BAZ1B: variants seen among roughly 807,000 people sequenced by gnomAD.
BAZ1B encodes the protein tyrosine-protein kinase BAZ1B.
Under a neutral mutation model 153.8 loss-of-function variants are expected in BAZ1B, and 22 were observed. The ratio of observed to expected loss-of-function variants is 0.14; its 90% CI spans 0.10 to 0.20. The LOEUF is 0.20. BAZ1B is among the 10% of genes least tolerant of loss of function. BAZ1B has a pLI of 1.00. For synonymous variants in BAZ1B, 676 were observed against 633.4 expected (o/e 1.07, Z -1.01); for missense variants, 1,325 against 1,799.3 (o/e 0.74, Z 4.77).
chr7:73,445,385 A>G lies in BAZ1B; in HGVS notation c.3845-1256T>C, dbSNP rs534341631. Among the ~76,000 whole-genome samples the G allele has an allele frequency of 2.6e-5, 4 of 152,294 alleles. No individual in the cohort carries two copies. The East Asian group carries it at 7.7e-4, about 29-fold the overall frequency. ...ACCTTGAGCTGCACTGGGGAACCAC[A>G]TCTTTGGTGGTCTGAAAGATAGAGT... On this transcript the variant is annotated intron_variant, in intron 16 of 19. Coordinates refer to ENST00000339594, the MANE Select transcript of BAZ1B (RefSeq NM_032408.4).
chr7:73,444,477 A>G (rs1787750945), intron 16 of BAZ1B, among the ~76,000 whole-genome samples: 1 of 152,222 alleles, frequency 6.6e-6, no homozygotes, highest in Non-Finnish European at 1.5e-5. Context: ...ATTTGCTAAT[A>G]GGTCAGCCTG....
At chr7:73,498,109 A>G (rs899966507) in intron 4 of BAZ1B, among the ~76,000 whole-genome samples, 3 of 152,086 alleles carry the variant, frequency 2.0e-5, no homozygotes, top group Admixed American at 1.3e-4. Context: ...ATAGGCACCC[A>G]CCACCACAAG....
chr7:73,521,038 T>C (rs1554580105), intron 1 of BAZ1B, among the ~76,000 whole-genome samples: 1 of 152,214 alleles, frequency 6.6e-6, no homozygotes, highest in African/African-American at 2.4e-5. Context: ...GAGAGGATGC[T>C]TCCTTTGTAA....
At chr7:73,464,409 TG>T (rs1176048056) in intron 11 of BAZ1B, among the ~76,000 whole-genome samples, 1 of 152,234 alleles carries the variant, frequency 6.6e-6, no homozygotes, top group Non-Finnish European at 1.5e-5. Flanking sequence ...AGTTTTTTGT[TG>T]TAGAACCACA....
At chr7:73,510,928 C>G (rs1790551515) in intron 1 of BAZ1B, 76 bp from the exon 2 acceptor site, 2 of 1,227,784 alleles carry the variant, frequency 1.6e-6, no homozygotes, top group South Asian at 2.6e-5. Context: ...TACTTATATA[C>G]AGAAAAAAAT....
In BAZ1B at chr7:73,487,626, A is replaced by G. The variant is rs1777840671; in HGVS notation, c.891+1568T>C. 2.0e-5 allele frequency among the ~76,000 whole-genome samples: 3 copies of G among 152,228 alleles called. No individual in the cohort carries two copies. The South Asian group carries it at 6.2e-4, about 31-fold the overall frequency. Reference sequence around the variant, plus strand: ...AAGAATTAGTCTAAAACCCATTTAGAGATGGTTTCATGGAGTTCTCATATA... The same window carrying G: ...AAGAATTAGTCTAAAACCCATTTAGGGATGGTTTCATGGAGTTCTCATATA... On this transcript the variant is annotated intron_variant, in intron 6 of 19. Coordinates refer to ENST00000339594, the MANE Select transcript of BAZ1B (RefSeq NM_032408.4).
intron 16 of BAZ1B, among the ~76,000 whole-genome samples, chr7:73,444,740 C>A (rs1369658497): frequency 1.3e-5 from 2 of 152,134 alleles, no homozygotes; most frequent in Non-Finnish European, 2.9e-5. Flanking sequence ...ATAGGCCGGG[C>A]GTTGTGGCTC....
At chr7:73,511,250 A>G (rs143526629) in intron 1 of BAZ1B, among the ~76,000 whole-genome samples, 134 of 152,224 alleles carry the variant, frequency 8.8e-4, no homozygotes, top group African/African-American at 3.1e-3. Flanking sequence ...CCTGGGAGAC[A>G]GTGCGGCTCC....
Position 73,522,275 on chromosome 7 carries a change from C to T in BAZ1B, c.-342G>A. ...CGGGAGATTCCCCTCCTCCCCCGGG[C>T]CCGGCCAACGCACACACTAACTTGC... On this transcript the variant is annotated 5_prime_UTR_variant, in exon 1 of 20. Transcript: ENST00000339594. 2.7e-6 allele frequency: 1 copy of T among 374,206 alleles called. No homozygotes were observed. Among genetic ancestry groups the T allele is most frequent in the East Asian group, 3.8e-5 (1 of 26,236 alleles). 23.2% of individuals were successfully genotyped at this position (374,206 alleles called of 1,614,324 possible). A position where few individuals can be genotyped will look rare whatever the true frequency, so the allele number is the denominator to read the frequency against.
rs563521892 is a variant in BAZ1B, at chr7:73,472,293, G to A, written c.2594-1810C>T. Among the ~76,000 whole-genome samples, 61 of 149,740 alleles carry A rather than the reference G, an allele frequency of 4.1e-4. 1 individual carries two copies. The highest frequency in any genetic ancestry group is 3.4e-3 in the Middle Eastern group (1 of 290). On this transcript the variant is annotated intron_variant, in intron 7 of 19. Transcript: ENST00000339594. ...TTTTTTTTGAGACAGAGTTTCTCTC[G>A]TGTTGTCCAGGCTGGAGTGCAATGG...
chr7:73,492,983 T>C (rs1554575763), intron 4 of BAZ1B, 62 bp from the exon 5 acceptor site: 2 of 1,488,722 alleles, frequency 1.3e-6, no homozygotes, highest in African/African-American at 1.4e-5. Context: ...CATTCATTCA[T>C]TAACAAGTCT....
At chr7:73,492,701 T>C (rs1380973073) in intron 5 of BAZ1B, 99 bp downstream of exon 5, 2 of 1,251,786 alleles carry the variant, frequency 1.6e-6, no homozygotes, top group African/African-American at 1.5e-5. Context: ...TGTACATTCA[T>C]TTACATTTTT....
At chr7:73,449,508 T>C in intron 15 of BAZ1B, 34 bp downstream of exon 15, 1 of 1,589,918 alleles carries the variant, frequency 6.3e-7, no homozygotes, top group East Asian at 2.3e-5. Context: ...TCATATTTAT[T>C]CATTCAATTA....
chr7:73,487,924 G>C (rs2116373619), intron 6 of BAZ1B, among the ~76,000 whole-genome samples: 1 of 152,310 alleles, frequency 6.6e-6, no homozygotes, highest in East Asian at 1.9e-4. Context: ...AATCTGCTAA[G>C]TGCTAAAACC....
chr7:73,506,320 A>AATT (rs1790338299), intron 3 of BAZ1B, among the ~76,000 whole-genome samples: 2 of 151,286 alleles, frequency 1.3e-5, no homozygotes, highest in African/African-American at 4.9e-5. Flanking sequence ...AACACAGTGA[A>AATT]ACCCCGTCTC....
chr7:73,504,375 G>T (rs1165817895), intron 3 of BAZ1B, among the ~76,000 whole-genome samples: 1 of 152,050 alleles, frequency 6.6e-6, no homozygotes, highest in African/African-American at 2.4e-5. Flanking sequence ...AAAAAACTTA[G>T]CTAGGCGGCC....
At position 73,498,579 on chromosome 7, in the gene BAZ1B, T is replaced by C. The variant is rs781840279; in HGVS notation, c.489A>G (p.Lys163=). ...DGACDSPSSD[K]ENSSQIAQDH... ...CCTGAGCAATCTGACTGGAGTTCTC[T>C]TTGTCACTTGATGGAGAATCACAGG... Residue 163 remains lysine, a synonymous_variant, in exon 4 of 20, where the codon AAA becomes AAG. Coordinates refer to ENST00000339594, the MANE Select transcript of BAZ1B (RefSeq NM_032408.4). The C allele has an allele frequency of 1.3e-5, 21 of 1,614,004 alleles. No individual in the cohort carries two copies. In the Admixed American group the frequency reaches 3.5e-4, roughly 27 times the overall value.
intron 6 of BAZ1B, among the ~76,000 whole-genome samples, chr7:73,479,140 T>C (rs1022259858): frequency 5.3e-5 from 8 of 151,386 alleles, no homozygotes; most frequent in African/African-American, 2.5e-5. Context: ...AAGAACAACA[T>C]GAACACTGCT....
rs1787596437 is a variant in BAZ1B at position 73,441,062 on chromosome 7, G to C, written c.*647C>G. On this transcript the variant is annotated 3_prime_UTR_variant, in exon 20 of 20. Transcript: ENST00000339594. Reference sequence around the variant, plus strand: ...CAGGTTCTTGAGGAGTTCCAAGGCTGAGGTCAGAACGGGCATGGGAGGCAG... The same window carrying C: ...CAGGTTCTTGAGGAGTTCCAAGGCTCAGGTCAGAACGGGCATGGGAGGCAG... 2 of 152,304 alleles carry C rather than the reference G, an allele frequency of 1.3e-5. No homozygotes were observed. The highest frequency in any genetic ancestry group is 4.1e-4 in the South Asian group (2 of 4,822). The allele number at this position is 152,304 out of a possible 1,614,324, so 9.4% of individuals were successfully genotyped here. A position where few individuals can be genotyped will look rare whatever the true frequency, so the allele number is the denominator to read the frequency against.
Sources: allele counts gnomAD v4.1 joint callset (sites outside exome capture counted in the v4.1 genomes callset), GRCh38; gene constraint gnomAD v4.1.1; transcripts MANE v1.5; gene names NCBI Gene and HGNC (gene_info 2026-07-23, HGNC 2026-07-21).